Variants in ADGB observed in about 807,000 individuals in gnomAD.
ADGB encodes calpain-7-like protein.
A neutral mutation model predicts 210.5 loss-of-function variants in ADGB; 172 were observed. The observed-to-expected ratio is 0.82, with a 90% confidence interval of 0.72 to 0.93. ADGB has a LOEUF of 0.93. ADGB is among the 40% of genes least tolerant of loss of function. ADGB has a pLI of 0.00. For missense variants in ADGB, 2,025 were observed against 1,964.8 expected (o/e 1.03, Z -0.58); for synonymous variants, 658 against 662.7 (o/e 0.99, Z 0.11).
intron 11 of ADGB, 108 bp downstream of exon 11, chr6:146,691,398 A>C: frequency 2.9e-6 from 1 of 348,552 alleles, no homozygotes. Flanking sequence ...CATTGCTTCT[A>C]AAGCCTATGT....
intron 13 of ADGB, among the ~76,000 whole-genome samples, chr6:146,701,542 T>C (rs918038454): frequency 6.6e-6 from 1 of 152,056 alleles, no homozygotes; most frequent in Non-Finnish European, 1.5e-5. Context: ...TTTTTGTTTC[T>C]TACTATTGTA....
Position 146,721,709 on chromosome 6 carries a change from G to C in ADGB, c.2095+204G>C, listed in dbSNP as rs112350764. ...CAAAATTAGCCAGGCGTGATGGCACGTACCTGTATTCCCAGCTACTCAGGA... is the reference window on the plus strand; with the variant it reads ...CAAAATTAGCCAGGCGTGATGGCACCTACCTGTATTCCCAGCTACTCAGGA... On this transcript the variant is annotated intron_variant, in intron 17 of 35. Coordinates refer to ENST00000397944, the MANE Select transcript of ADGB (RefSeq NM_024694.4). Among the ~76,000 whole-genome samples, 20 of 152,084 alleles carry C rather than the reference G, an allele frequency of 1.3e-4. No individual in the cohort carries two copies. In the East Asian group the frequency reaches 3.1e-3, roughly 24 times the overall value.
intron 7 of ADGB, among the ~76,000 whole-genome samples, chr6:146,671,267 G>A (rs1051622570): frequency 3.9e-5 from 6 of 152,210 alleles, no homozygotes; most frequent in African/African-American, 7.2e-5. Flanking sequence ...AATGGCAGGA[G>A]TGGAACAGCG....
chr6:146,743,950 G>A (rs1237839578), intron 25 of ADGB, among the ~76,000 whole-genome samples: 1 of 152,100 alleles, frequency 6.6e-6, no homozygotes, highest in Non-Finnish European at 1.5e-5. Flanking sequence ...GAAATGCGGA[G>A]GAGTATGTCA....
rs1418606890 is a variant in ADGB, at chr6:146,785,663, T to G, written c.4266T>G (p.Asp1422Glu). Residue 1422 changes from aspartate to glutamate, a missense_variant, in exon 32 of 36, where the codon GAT (aspartate) becomes GAG (glutamate). Transcript: ENST00000397944. ...YLSGFIKKTS[D>E]AESPPISESQ... Reference sequence around the variant, plus strand: ...GCGGGTTCATTAAGAAAACATCTGATGCTGAGAGTCCGCCTATATCTGAAA... The same window carrying G: ...GCGGGTTCATTAAGAAAACATCTGAGGCTGAGAGTCCGCCTATATCTGAAA... 1 of 1,551,284 alleles carries G rather than the reference T, an allele frequency of 6.4e-7. No individual in the cohort carries two copies.
intron 9 of ADGB, among the ~76,000 whole-genome samples, chr6:146,681,867 C>T (rs2114912519): frequency 6.6e-6 from 1 of 152,044 alleles, no homozygotes; most frequent in Middle Eastern, 3.4e-3. Flanking sequence ...TAAAAAATTG[C>T]CAGAAAGACC....
At chr6:146,706,936 C>CT (rs1562279445) in intron 13 of ADGB, among the ~76,000 whole-genome samples, 1 of 130,258 alleles carries the variant, frequency 7.7e-6, no homozygotes, top group African/African-American at 3.0e-5. Context: ...AGTTTGCTTT[C>CT]TTTTTTTCTA....
rs1777158592 is a variant in ADGB, at chr6:146,741,142, C to T, written c.3048C>T (p.Asp1016=). 6.5e-7 allele frequency: 1 copy of T among 1,531,492 alleles called. No individual in the cohort carries two copies. The highest frequency in any genetic ancestry group is 8.8e-7 in the Non-Finnish European group (1 of 1,138,560). The allele number at this position is 1,531,492 out of a possible 1,614,324, so 94.9% of individuals were successfully genotyped here. The change falls in exon 25 of 36, where the codon GAC becomes GAT. Residue 1016 remains aspartate, a synonymous_variant. Coordinates refer to ENST00000397944, the MANE Select transcript of ADGB (RefSeq NM_024694.4). ...VFRETFLVHQ[D]MILVPKVYTT... is the part of the protein sequence containing the mutation. Reference sequence around the variant, plus strand: ...GAGAAACATTTTTGGTTCATCAAGACATGATTTTGGTTCCCAAAGTATATA... The same window carrying T: ...GAGAAACATTTTTGGTTCATCAAGATATGATTTTGGTTCCCAAAGTATATA...
At position 146,726,181 on chromosome 6, in the gene ADGB, T is replaced by G. The variant is rs1776892442; in HGVS notation, c.2336T>G (p.Leu779Arg). ...GTCATTGGGGATGAACACGTTGTACTGCCCAACTTTGAACCAGTAAGTATT... is the reference window on the plus strand; with the variant it reads ...GTCATTGGGGATGAACACGTTGTACGGCCCAACTTTGAACCAGTAAGTATT... The part of the protein sequence containing the change: ...SFVIGDEHVV[L>R]PNFEPESCRF... The change falls in exon 19 of 36, where the codon CTG becomes CGG. Residue 779 changes from leucine (L) to arginine (R), a missense_variant. Transcript: ENST00000397944. 6.5e-7 allele frequency: 1 copy of G among 1,545,100 alleles called. No individual in the cohort carries two copies. The highest frequency in any genetic ancestry group is 1.4e-5 in the African/African-American group (1 of 72,958).
At chr6:146,738,018 C>T (rs548830940) in intron 23 of ADGB, among the ~76,000 whole-genome samples, 15 of 152,330 alleles carry the variant, frequency 9.8e-5, no homozygotes, top group Admixed American at 3.3e-4. Context: ...CTTATCCTAG[C>T]AGGCATTAAT....
At chr6:146,724,164 T>A (rs765642626) in intron 17 of ADGB, 22 bp from the exon 18 acceptor site, 1 of 1,535,128 alleles carries the variant, frequency 6.5e-7, no homozygotes, top group Admixed American at 2.2e-5. Flanking sequence ...CAAACTTTAA[T>A]ACCTTTTTAC....
rs753511760 is a variant in ADGB at position 146,815,164 on chromosome 6, A to G, written c.4951A>G (p.Lys1651Glu). Reference sequence around the variant, plus strand: ...AGCAGCCATGAAGCTGGAGACAGAAAAGATGACCCCAGCTCCTGACACACA... The same window carrying G: ...AGCAGCCATGAAGCTGGAGACAGAAGAGATGACCCCAGCTCCTGACACACA... Reference protein sequence around the residue: ...QEAAMKLETEKMTPAPDTQKK... With the variant: ...QEAAMKLETEEMTPAPDTQKK... The change falls in exon 36 of 36, where the codon AAG becomes GAG. Residue 1651 changes from lysine (K) to glutamate (E), a missense_variant. Transcript: ENST00000397944. The G allele has an allele frequency of 1.0e-4, 155 of 1,535,696 alleles. No individual in the cohort carries two copies. Among genetic ancestry groups the G allele is most frequent in the Non-Finnish European group, 1.3e-4 (144 of 1,143,730 alleles).
intron 27 of ADGB, among the ~76,000 whole-genome samples, chr6:146,760,439 ATTTC>A (rs771307231): frequency 2.8e-5 from 4 of 141,026 alleles, no homozygotes; most frequent in Non-Finnish European, 6.3e-5. Flanking sequence ...ACACTATTCT[ATTTC>A]TATCTATGTT....
At chr6:146,801,566 C>A (rs1199522427) in intron 34 of ADGB, among the ~76,000 whole-genome samples, 1 of 152,178 alleles carries the variant, frequency 6.6e-6, no homozygotes, top group East Asian at 1.9e-4. Context: ...TAGTTTTGAA[C>A]ACAAGTTTCA....
chr6:146,623,061 A>G (rs562774540), intron 1 of ADGB, among the ~76,000 whole-genome samples: 2 of 151,942 alleles, frequency 1.3e-5, no homozygotes, highest in East Asian at 3.9e-4. Flanking sequence ...TGATCTGTTT[A>G]TGTATCTTGA....
At position 146,815,353 on chromosome 6, in the gene ADGB, TTG is replaced by T. The variant is rs1196142510; in HGVS notation, c.*138_*139del. On this transcript the variant is annotated 3_prime_UTR_variant, in exon 36 of 36. Transcript: ENST00000397944. ...TTCTTAGAAATATTTTAATGCTAAC[TTG>T]TTAGTTTTCCTCAGAAAGCTAGTAT... The T allele has an allele frequency of 1.5e-6, 1 of 645,538 alleles. No individual in the cohort carries two copies. The highest frequency in any genetic ancestry group is 2.3e-6 in the Non-Finnish European group (1 of 433,164). 40.0% of individuals were successfully genotyped at this position (645,538 alleles called of 1,614,324 possible).
intron 12 of ADGB, among the ~76,000 whole-genome samples, chr6:146,699,170 G>T (rs895368604): frequency 2.0e-5 from 3 of 152,110 alleles, no homozygotes; most frequent in Admixed American, 2.0e-4. Flanking sequence ...ATGACAGGAG[G>T]TTCATTAAAG....
intron 4 of ADGB, among the ~76,000 whole-genome samples, chr6:146,654,999 T>C (rs1775759528): frequency 6.6e-6 from 1 of 152,226 alleles, no homozygotes; most frequent in African/African-American, 2.4e-5. Flanking sequence ...ACCGTTTCTC[T>C]ATCTGTTTCT....
chr6:146,773,281 G>A (rs1217440516), intron 29 of ADGB, among the ~76,000 whole-genome samples: 1 of 149,378 alleles, frequency 6.7e-6, no homozygotes, highest in Non-Finnish European at 1.5e-5. Flanking sequence ...CATACATAGA[G>A]AAAAAAAAAA....
Sources: allele counts gnomAD v4.1 joint callset (sites outside exome capture counted in the v4.1 genomes callset), GRCh38; gene constraint gnomAD v4.1.1; transcripts MANE v1.5; gene names NCBI Gene and HGNC (gene_info 2026-07-23, HGNC 2026-07-21).